The following STX1A variants were observed in gnomAD, a reference collection of about 807,000 sequenced individuals.
STX1A encodes syntaxin 1A, also known as syntaxin-1A.
STX1A carries 4 observed loss-of-function variants against 37.8 expected under a neutral mutation model. The observed-to-expected ratio is 0.11, with a 90% CI of 0.05 to 0.24. The LOEUF is 0.24. Ranked by LOEUF, STX1A falls within the 10% of genes least tolerant of loss-of-function variation. STX1A has a pLI of 1.00. For missense variants in STX1A, 251 were observed against 399.9 expected, an observed-to-expected ratio of 0.63 and a Z score of 3.18; for synonymous variants, 135 against 147.4, an observed-to-expected ratio of 0.92 and a Z score of 0.61.
chr7:73,704,367 T>G lies in STX1A; in HGVS notation c.340A>C (p.Arg114=). ...EGLNRSSADL[R]IRKTQHSTLS... ...GGCCGCACCTGTGTCTTCCGGATCC[T>G]CAGGTCAGCGGAGGAGCGGTTCAGG... The change falls in exon 5 of 10, where the codon AGG becomes CGG. Residue 114 remains arginine (R), a synonymous_variant. Coordinates refer to ENST00000222812, the MANE Select transcript of STX1A (RefSeq NM_004603.4). 6.2e-7 allele frequency: 1 copy of G among 1,614,146 alleles called. No individual in the cohort carries two copies.
rs782092932 is a variant in STX1A, at chr7:73,708,630, C to T, written c.167G>A (p.Arg56Gln). Reference protein sequence around the residue: ...KIAENVEEVKRKHSAILASPN... With the variant: ...KIAENVEEVKQKHSAILASPN... ...GGATGCCAGGATGGCACTGTGCTTC[C>T]GCTTCACCTCCTCCACGTTCTCTGC... Residue 56 changes from arginine to glutamine, a missense_variant, in exon 3 of 10, where the codon CGG (arginine) becomes CAG (glutamine). Physicochemically the swap from Arg to Gln is conservative, Grantham distance 43 (BLOSUM62 1). Transcript: ENST00000222812. 9 of 1,614,050 alleles carry T rather than the reference C, an allele frequency of 5.6e-6. No homozygotes were observed. In the Admixed American group the frequency reaches 8.3e-5, roughly 15 times the overall value.
At chr7:73,718,759 G>A (rs1799383073) in intron 1 of STX1A, among the ~76,000 whole-genome samples, 2 of 152,092 alleles carry the variant, frequency 1.3e-5, no homozygotes, top group South Asian at 2.1e-4. Context: ...TCTGGGCTGG[G>A]AGAAGGTGGG....
intron 1 of STX1A, 103 bp downstream of exon 1, chr7:73,719,499 C>CA: frequency 9.1e-7 from 1 of 1,095,574 alleles, no homozygotes; most frequent in Non-Finnish European, 1.1e-6. Flanking sequence ...GCTGGGGGCG[C>CA]AGGAGCGGCC....
chr7:73,704,408 A>G lies in STX1A; in HGVS notation c.299T>C (p.Ile100Thr). 1.2e-6 allele frequency: 2 copies of G among 1,614,090 alleles called. No homozygotes were observed. Among genetic ancestry groups the G allele is most frequent in the South Asian group, 1.1e-5 (1 of 91,074 alleles). Residue 100 changes from isoleucine (I) to threonine (T), a missense_variant, in exon 5 of 10, where the codon ATC becomes ACC. Around this residue, in one of 2 missense-constraint regions of STX1A, gnomAD observed 214 missense variants for 367.6 expected, o/e 0.58. Coordinates refer to ENST00000222812, the MANE Select transcript of STX1A (RefSeq NM_004603.4). ...GCGGTTCAGGCCTTCCTCTTGCTCGATGGACTGCTCGATGCCTGGGGGCAC... is the reference window on the plus strand; with the variant it reads ...GCGGTTCAGGCCTTCCTCTTGCTCGGTGGACTGCTCGATGCCTGGGGGCAC... ...RSKLKSIEQS[I>T]EQEEGLNRSS...
rs1490391377 is a variant in STX1A at position 73,701,528 on chromosome 7, GAAAA to G, written c.679-692_679-689del. On this transcript the variant is annotated intron_variant, in intron 8 of 9. Coordinates refer to ENST00000222812, the MANE Select transcript of STX1A (RefSeq NM_004603.4). ...AGAGTGAGACTCCGTCTCAAAAAAAGAAAAAGAAAAAAAAAAAAATAGAACCCCC... is the reference window on the plus strand; with the variant it reads ...AGAGTGAGACTCCGTCTCAAAAAAAGAGAAAAAAAAAAAAATAGAACCCCC... Among the ~76,000 whole-genome samples, 799 of 143,578 alleles carry G rather than the reference GAAAA, an allele frequency of 5.6e-3. 6 individuals carry two copies. The highest frequency in any genetic ancestry group is 0.02 in the African/African-American group (786 of 39,040). 94.2% of individuals were successfully genotyped at this position (143,578 alleles called of 152,430 possible). A position where few individuals can be genotyped will look rare whatever the true frequency, so the allele number is the denominator to read the frequency against.
At position 73,709,969 on chromosome 7, in the gene STX1A, C is replaced by T. The variant is rs1046844080; in HGVS notation, c.31-847G>A. Among the ~76,000 whole-genome samples, 5 of 152,154 alleles carry T rather than the reference C, an allele frequency of 3.3e-5. No individual in the cohort carries two copies. The highest frequency in any genetic ancestry group is 7.2e-5 in the African/African-American group (3 of 41,444). On this transcript the variant is annotated intron_variant, in intron 1 of 9. Transcript: ENST00000222812. This position sits in a 1 kb window ranked among gnomAD's most constrained non-coding sequence, Gnocchi z 4.2. ...CTGGTCTTGAACTCCTGGCCTCAAG[C>T]GATCCTCCTGCCTCAGCCTTCCAAA...
intron 4 of STX1A, 141 bp from the exon 5 acceptor site, chr7:73,704,564 C>CTCCTCCATCGGTGCCTG: frequency 9.6e-7 from 1 of 1,042,242 alleles, no homozygotes; most frequent in Non-Finnish European, 1.4e-6. Flanking sequence ...TGCCAGGCAC[C>CTCCTCCATCGGTGCCTG]GATGGAGGAG....
At chr7:73,710,993 C>CTGAT (rs573720407) in intron 1 of STX1A, among the ~76,000 whole-genome samples, 10 of 151,514 alleles carry the variant, frequency 6.6e-5, no homozygotes, top group African/African-American at 9.7e-5. Flanking sequence ...GATGGATGGA[C>CTGAT]TGATTGATTG....
rs1190308023 is a variant in STX1A at position 73,709,573 on chromosome 7, A to C, written c.31-451T>G. Among the ~76,000 whole-genome samples the C allele has an allele frequency of 4.6e-5, 7 of 152,126 alleles. No homozygotes were observed. Among genetic ancestry groups the C allele is most frequent in the Non-Finnish European group, 8.8e-5 (6 of 68,008 alleles). ...ACACATACACACATCTGTAGAGTTG[A>C]GGTCTTGCTGTGTCACCCAGGCTGG... On this transcript the variant is annotated intron_variant, in intron 1 of 9. Transcript: ENST00000222812. The surrounding 1 kb of genome is among the most constrained non-coding windows in gnomAD (Gnocchi z 4.2).
In STX1A at chr7:73,717,766, A is replaced by G. The variant is rs1554618945; in HGVS notation, c.30+1836T>C. The stretch of plus-strand genomic sequence containing the variant: ...CCATCTAATCAGGGGGCGAGGAGGT[A>G]GTAACAGAGACAGACATCAGAGCAA... On this transcript the variant is annotated intron_variant, in intron 1 of 9. Transcript: ENST00000222812. This position sits in a 1 kb window ranked among gnomAD's most constrained non-coding sequence, Gnocchi z 4.1. Among the ~76,000 whole-genome samples, 4 of 152,192 alleles carry G rather than the reference A, an allele frequency of 2.6e-5. No homozygotes were observed. Among genetic ancestry groups the G allele is most frequent in the Non-Finnish European group, 5.9e-5 (4 of 68,012 alleles).
At chr7:73,719,544 C>T in intron 1 of STX1A, 58 bp downstream of exon 1, 1 of 1,199,174 alleles carries the variant, frequency 8.3e-7, no homozygotes. Flanking sequence ...CGGGAAGTGT[C>T]CGGCGCGTTG....
chr7:73,704,332 T>G lies in STX1A; in HGVS notation c.357+18A>C. ...CAGAGACTCAGGTGCCCGCCCATCC[T>G]AGACTCCGTGGCCGCACCTGTGTCT... On this transcript the variant is annotated intron_variant, in intron 5 of 9. Coordinates refer to ENST00000222812, the MANE Select transcript of STX1A (RefSeq NM_004603.4). The G allele has an allele frequency of 6.2e-7, 1 of 1,614,116 alleles. No homozygotes were observed. Among genetic ancestry groups the G allele is most frequent in the South Asian group, 1.1e-5 (1 of 91,076 alleles).
chr7:73,715,864 G>C (rs1799273287), intron 1 of STX1A, among the ~76,000 whole-genome samples: 1 of 152,192 alleles, frequency 6.6e-6, no homozygotes, highest in Non-Finnish European at 1.5e-5. Context: ...AGGCCAAGCT[G>C]GGTCTCCAGG....
chr7:73,704,399 T>C lies in STX1A; in HGVS notation c.308A>G (p.Glu103Gly). Reference sequence around the variant, plus strand: ...AGCGGAGGAGCGGTTCAGGCCTTCCTCTTGCTCGATGGACTGCTCGATGCC... The same window carrying C: ...AGCGGAGGAGCGGTTCAGGCCTTCCCCTTGCTCGATGGACTGCTCGATGCC... ...LKSIEQSIEQ[E>G]EGLNRSSADL... The change falls in exon 5 of 10, where the codon GAG (glutamate) becomes GGG (glycine). Residue 103 changes from glutamate to glycine, a missense_variant. Around this residue, in one of 2 missense-constraint regions of STX1A, gnomAD observed 214 missense variants for 367.6 expected, o/e 0.58. Coordinates refer to ENST00000222812, the MANE Select transcript of STX1A (RefSeq NM_004603.4). The C allele has an allele frequency of 6.2e-7, 1 of 1,614,162 alleles. No individual in the cohort carries two copies. The highest frequency in any genetic ancestry group is 8.5e-7 in the Non-Finnish European group (1 of 1,180,028).
rs1798569811 is a variant in STX1A at position 73,699,534 on chromosome 7, GGGACAC to G, written c.*867_*872del. 6.6e-6 allele frequency: 1 copy of G among 152,630 alleles called. No individual in the cohort carries two copies. The highest frequency in any genetic ancestry group is 2.1e-4 in the South Asian group (1 of 4,834). 9.5% of individuals were successfully genotyped at this position (152,630 alleles called of 1,614,324 possible). On this transcript the variant is annotated 3_prime_UTR_variant, in exon 10 of 10. Coordinates refer to ENST00000222812, the MANE Select transcript of STX1A (RefSeq NM_004603.4). ...CGGCTGGCTGCCGAATACTGCATCT[GGGACAC>G]GTGACACCCACGTGGCACATCGATG...
rs782307177 is a variant in STX1A, at chr7:73,704,145, C to T, written c.466+3G>A. 2 of 1,604,068 alleles carry T rather than the reference C, an allele frequency of 1.2e-6. No individual in the cohort carries two copies. The highest frequency in any genetic ancestry group is 2.2e-5 in the South Asian group (2 of 90,932). On this transcript the variant is annotated splice_donor_region_variant and intron_variant, in intron 6 of 9. Transcript: ENST00000222812. Reference sequence around the variant, plus strand: ...CCCGCCCCAGGCCCCACCCCCAGCTCACTGATCTCCAGCTGCCTCTGGATG... The same window carrying T: ...CCCGCCCCAGGCCCCACCCCCAGCTTACTGATCTCCAGCTGCCTCTGGATG...
chr7:73,709,037 G>T lies in STX1A; in HGVS notation c.108+8C>A. 1 of 1,614,040 alleles carries T rather than the reference G, an allele frequency of 6.2e-7. No individual in the cohort carries two copies. The highest frequency in any genetic ancestry group is 8.5e-7 in the Non-Finnish European group (1 of 1,179,922). Reference sequence around the variant, plus strand: ...TGTGCGGGAAGGGTGGGGTGTGCTGGCTCCCACCTGCTCAAAGAACTCATC... The same window carrying T: ...TGTGCGGGAAGGGTGGGGTGTGCTGTCTCCCACCTGCTCAAAGAACTCATC... On this transcript the variant is annotated splice_region_variant and intron_variant, in intron 2 of 9. Coordinates refer to ENST00000222812, the MANE Select transcript of STX1A (RefSeq NM_004603.4). The surrounding 1 kb of genome is among the most constrained non-coding windows in gnomAD (Gnocchi z 4.2).
chr7:73,702,576 A>G lies in STX1A; in HGVS notation c.678+269T>C. Reference sequence around the variant, plus strand: ...CGTGGCCCACAGTGGCCCCATGAGGAAACAGTAGTAGGGGAATGAGAGACG... The same window carrying G: ...CGTGGCCCACAGTGGCCCCATGAGGGAACAGTAGTAGGGGAATGAGAGACG... On this transcript the variant is annotated intron_variant, in intron 8 of 9. Coordinates refer to ENST00000222812, the MANE Select transcript of STX1A (RefSeq NM_004603.4). This position sits in a 1 kb window ranked among gnomAD's most constrained non-coding sequence, Gnocchi z 4.7. 4 of 1,019,816 alleles carry G rather than the reference A, an allele frequency of 3.9e-6. No homozygotes were observed. The highest frequency in any genetic ancestry group is 5.5e-6 in the Non-Finnish European group (4 of 732,126). 63.2% of individuals were successfully genotyped at this position (1,019,816 alleles called of 1,614,324 possible). A position where few individuals can be genotyped will look rare whatever the true frequency, so the allele number is the denominator to read the frequency against.
rs782556386 is a variant in STX1A, at chr7:73,700,437, G to A, written c.837C>T (p.Ile279=). 30 of 1,614,010 alleles carry A rather than the reference G, an allele frequency of 1.9e-5. No individual in the cohort carries two copies. The highest frequency in any genetic ancestry group is 6.7e-5 in the East Asian group (3 of 44,870). The part of the protein sequence containing the change: ...IICCVILGIV[I]ASTVGGIFA ...CGAAGATGCCCCCAACAGTGGAGGC[G>A]ATGACGATGCCCAGGATCACACAGC... Residue 279 remains isoleucine, a synonymous_variant, in exon 10 of 10, where the codon ATC becomes ATT. Coordinates refer to ENST00000222812, the MANE Select transcript of STX1A (RefSeq NM_004603.4). This position sits in a 1 kb window ranked among gnomAD's most constrained non-coding sequence, Gnocchi z 4.4.
Sources: gnomAD v4.1 joint callset for allele counts (sites outside exome capture counted in the v4.1 genomes callset) on GRCh38, gnomAD v4.1.1 for gene constraint, gnomAD v4.1.1 regional missense constraint, Gnocchi (gnomAD v3.1) non-coding constraint, MANE v1.5 for transcripts, NCBI Gene and HGNC (gene_info 2026-07-23, HGNC 2026-07-21) for gene names.